Variants in TCEA1 observed in about 807,000 individuals in gnomAD.
TCEA1 encodes the protein transcription elongation factor A protein 1.
Under a neutral mutation model 43.8 loss-of-function variants are expected in TCEA1, and 21 were observed. The ratio of observed to expected loss-of-function variants is 0.48; its 90% confidence interval spans 0.34 to 0.69. The LOEUF (loss-of-function observed/expected upper bound fraction) is 0.69. Ranked by LOEUF, TCEA1 falls within the 30% of genes least tolerant of loss-of-function variation. The pLI, the probability that TCEA1 is intolerant of heterozygous loss-of-function variation, is 0.01. For synonymous variants in TCEA1, 104 were observed against 117.5 expected, an observed-to-expected ratio of 0.88 and a Z score of 0.75; for missense variants, 250 against 365.1, an observed-to-expected ratio of 0.68 and a Z score of 2.57.
rs1803758329 is a variant in TCEA1 at position 53,988,277 on chromosome 8, A to G, written c.321-18T>C. 2 of 1,605,678 alleles carry G rather than the reference A, an allele frequency of 1.2e-6. No homozygotes were observed. Among genetic ancestry groups the G allele is most frequent in the Non-Finnish European group, 1.7e-6 (2 of 1,174,954 alleles). ...TGGAAGTACTGAAATACGCACAAAC[A>G]CCCCAAAAAGAAATCAAGAACAATC... On this transcript the variant is annotated intron_variant, in intron 4 of 9. Transcript: ENST00000521604.
intron 1 of TCEA1, among the ~76,000 whole-genome samples, chr8:54,020,494 G>C (rs939105285): frequency 6.6e-6 from 1 of 152,168 alleles, no homozygotes; most frequent in Admixed American, 6.5e-5. Flanking sequence ...GGAAAAAGGG[G>C]AACAGAGGAT....
rs143147704 is a variant in TCEA1 at position 53,986,683 on chromosome 8, GTTCA to G, written c.523+282_523+285del. ...GTCCTTTTAAACTTCGCTGTTTCTAGTTCATTCAGCTTCAACATGAAGGAAAAAG... is the reference window on the plus strand; with the variant it reads ...GTCCTTTTAAACTTCGCTGTTTCTAGTTCAGCTTCAACATGAAGGAAAAAG... On this transcript the variant is annotated intron_variant, in intron 6 of 9. Coordinates refer to ENST00000521604, the MANE Select transcript of TCEA1 (RefSeq NM_006756.4). Among the ~76,000 whole-genome samples, 494 of 152,252 alleles carry G rather than the reference GTTCA, an allele frequency of 3.2e-3. 2 individuals are homozygous for G. Among genetic ancestry groups the G allele is most frequent in the African/African-American group, 0.011 (473 of 41,556 alleles).
intron 2 of TCEA1, among the ~76,000 whole-genome samples, chr8:54,003,980 C>A (rs1373038741): frequency 6.6e-6 from 1 of 151,320 alleles, no homozygotes; most frequent in Non-Finnish European, 1.5e-5. Context: ...GGCAAAGGAT[C>A]TGGATAGACA....
intron 8 of TCEA1, chr8:53,972,863 G>C (rs1803200777): frequency 2.8e-6 from 2 of 711,174 alleles, no homozygotes. Flanking sequence ...CAGATCTAAG[G>C]TTTATACCAG....
chr8:53,986,402 T>C (rs1417847414), intron 6 of TCEA1, among the ~76,000 whole-genome samples: 1 of 152,236 alleles, frequency 6.6e-6, no homozygotes, highest in Non-Finnish European at 1.5e-5. Context: ...AATTTCAAGG[T>C]TGTCACCATA....
chr8:53,984,230 G>C (rs1803613619), intron 7 of TCEA1, 133 bp downstream of exon 7: 5 of 817,168 alleles, frequency 6.1e-6, no homozygotes, highest in Non-Finnish European at 9.0e-6. Flanking sequence ...TATTTGTCTA[G>C]TATATAAATA....
chr8:53,988,128 G>A lies in TCEA1; in HGVS notation c.452C>T (p.Ala151Val). 5 of 1,611,516 alleles carry A rather than the reference G, an allele frequency of 3.1e-6. No individual in the cohort carries two copies. The highest frequency in any genetic ancestry group is 4.2e-6 in the Non-Finnish European group (5 of 1,179,470). The change falls in exon 5 of 10, where the codon GCT (alanine) becomes GTT (valine). Residue 151 changes from alanine to valine, a missense_variant. Ala to Val is a moderately conservative substitution (Grantham distance 64). Coordinates refer to ENST00000521604, the MANE Select transcript of TCEA1 (RefSeq NM_006756.4). ...RLKCREMLAA[A>V]LRTGDDYIAI... ...ACTGGACTTACCCCCTGTTCGAAGA[G>A]CTGCAGCAAGCATCTCCCTACACTT... is the stretch of plus-strand genomic sequence containing the variant.
intron 4 of TCEA1, among the ~76,000 whole-genome samples, chr8:53,992,006 T>G (rs1803899379): frequency 7.9e-5 from 12 of 152,114 alleles, no homozygotes; most frequent in Admixed American, 7.9e-4. Flanking sequence ...GTAGTTGCCT[T>G]AATGTCCTAA....
At chr8:53,988,350 G>A in intron 4 of TCEA1, 91 bp from the exon 5 acceptor site, 2 of 1,460,512 alleles carry the variant, frequency 1.4e-6, no homozygotes, top group Non-Finnish European at 1.8e-6. Context: ...CAAAATTTGG[G>A]GTCTAAATAA....
intron 5 of TCEA1, 22 bp from the exon 6 acceptor site, chr8:53,987,047 T>C (rs1803710922): frequency 1.9e-6 from 3 of 1,570,360 alleles, no homozygotes; most frequent in Non-Finnish European, 2.6e-6. Flanking sequence ...CATAAAGAAT[T>C]GTCAAATTAT....
intron 5 of TCEA1, 144 bp from the exon 6 acceptor site, chr8:53,987,169 G>T: frequency 1.4e-6 from 1 of 712,884 alleles, no homozygotes. Flanking sequence ...GTTAGAATCT[G>T]ATCACTTCAC....
chr8:54,016,374 G>C (rs1024750717), intron 1 of TCEA1, among the ~76,000 whole-genome samples: 6 of 152,264 alleles, frequency 3.9e-5, no homozygotes, highest in African/African-American at 1.4e-4. Context: ...GGGAGGCTGA[G>C]GCAGGAGAAT....
At chr8:54,019,027 G>A (rs1008991561) in intron 1 of TCEA1, among the ~76,000 whole-genome samples, 10 of 152,140 alleles carry the variant, frequency 6.6e-5, no homozygotes, top group Non-Finnish European at 1.3e-4. Flanking sequence ...TCAGAATGAG[G>A]ATAATACTCA....
chr8:53,995,976 A>G (rs1202003712), intron 3 of TCEA1, among the ~76,000 whole-genome samples: 7 of 152,244 alleles, frequency 4.6e-5, no homozygotes, highest in Non-Finnish European at 1.0e-4. Context: ...CTCAAATCCC[A>G]AAGATGCTAT....
intron 5 of TCEA1, among the ~76,000 whole-genome samples, chr8:53,987,661 C>G (rs1803731865): frequency 6.6e-6 from 1 of 152,100 alleles, no homozygotes; most frequent in African/African-American, 2.4e-5. Flanking sequence ...TGGATACTTT[C>G]AAATTAAATT....
rs781346211 is a variant in TCEA1, at chr8:53,979,003, G to GA, written c.825+21dup. On this transcript the variant is annotated intron_variant, in intron 8 of 9. Transcript: ENST00000521604. Reference sequence around the variant, plus strand: ...TGCAAGCATTTTTATATAAAAATAAGAATCTATAAACAATCACAAACCTGT... The same window carrying GA: ...TGCAAGCATTTTTATATAAAAATAAGAAATCTATAAACAATCACAAACCTGT... 40 of 1,574,686 alleles carry GA rather than the reference G, an allele frequency of 2.5e-5. No homozygotes were observed. The East Asian group carries it at 9.0e-4, about 36-fold the overall frequency.
At chr8:54,015,565 C>T (rs1804794766) in intron 1 of TCEA1, among the ~76,000 whole-genome samples, 1 of 152,114 alleles carries the variant, frequency 6.6e-6, no homozygotes, top group South Asian at 2.1e-4. Flanking sequence ...TATGTCATCT[C>T]AAATTTGCAG....
chr8:53,980,196 C>T (rs994605795), intron 7 of TCEA1, among the ~76,000 whole-genome samples: 11 of 152,188 alleles, frequency 7.2e-5, no homozygotes, highest in Non-Finnish European at 1.6e-4. Flanking sequence ...ATAGCATTGC[C>T]TACACCCCAC....
At chr8:54,012,485 G>A (rs536062743) in intron 1 of TCEA1, among the ~76,000 whole-genome samples, 2 of 152,278 alleles carry the variant, frequency 1.3e-5, no homozygotes, top group South Asian at 4.1e-4. Context: ...CTTGAACCCA[G>A]GAAGTGGAGG....
Sources: allele counts gnomAD v4.1 joint callset (sites outside exome capture counted in the v4.1 genomes callset), GRCh38; gene constraint gnomAD v4.1.1; transcripts MANE v1.5; gene names NCBI Gene and HGNC (gene_info 2026-07-23, HGNC 2026-07-21).